NODAL: variants seen among roughly 807,000 people sequenced by gnomAD.
NODAL encodes nodal homolog.
Under a neutral mutation model 34.0 loss-of-function variants are expected in NODAL, and 12 were observed. The ratio of observed to expected loss-of-function variants is 0.35; its 90% CI spans 0.23 to 0.57. The LOEUF (loss-of-function observed/expected upper bound fraction) is 0.57. Ranked by LOEUF, NODAL falls within the 20% of genes least tolerant of loss-of-function variation. NODAL has a pLI of 0.83. For missense variants in NODAL, 390 were observed against 444.2 expected (o/e 0.88, Z 1.10); for synonymous variants, 162 against 186.4 (o/e 0.87, Z 1.07).
intron 1 of NODAL, among the ~76,000 whole-genome samples, chr10:70,446,941 C>G (rs1219460967): frequency 6.6e-6 from 1 of 152,142 alleles, no homozygotes; most frequent in Non-Finnish European, 1.5e-5. Flanking sequence ...ATTCTTTCCT[C>G]CTGCTGTTTC....
chr10:70,440,501 C>T (rs1845413743), intron 1 of NODAL, among the ~76,000 whole-genome samples: 1 of 152,174 alleles, frequency 6.6e-6, no homozygotes, highest in African/African-American at 2.4e-5. Context: ...CAGGTCGGAT[C>T]AGATTAGCGT....
chr10:70,447,716 C>T (rs1186025488), intron 1 of NODAL, among the ~76,000 whole-genome samples: 3 of 148,982 alleles, frequency 2.0e-5, no homozygotes, highest in South Asian at 4.3e-4. Context: ...AATAAAGCAT[C>T]GTAGAGCAGT....
intron 1 of NODAL, among the ~76,000 whole-genome samples, chr10:70,440,916 G>C (rs879628789): frequency 6.6e-6 from 1 of 152,056 alleles, no homozygotes; most frequent in East Asian, 1.9e-4. Context: ...GTCACACCCC[G>C]GGACCCATTC....
rs2132215395 is a variant in NODAL at position 70,435,766 on chromosome 10, G to T, written c.411C>A (p.Phe137Leu). The change falls in exon 2 of 3, where the codon TTC (phenylalanine) becomes TTA (leucine). Residue 137 changes from phenylalanine (F) to leucine (L), a missense_variant. Coordinates refer to ENST00000287139, the MANE Select transcript of NODAL (RefSeq NM_018055.5). ...SCLERFQMDL[F>L]TVTLSQVTFS... ...AGGTGACCTGGGACAAAGTGACAGT[G>T]AATAGGTCCATCTGAAACCGCTCTA... 1 of 1,614,152 alleles carries T rather than the reference G, an allele frequency of 6.2e-7. No homozygotes were observed. The highest frequency in any genetic ancestry group is 2.2e-5 in the East Asian group (1 of 44,880).
chr10:70,433,676 A>G (rs1845302044), intron 2 of NODAL, among the ~76,000 whole-genome samples: 1 of 152,192 alleles, frequency 6.6e-6, no homozygotes, highest in Non-Finnish European at 1.5e-5. Context: ...CAGCCTCCCA[A>G]AATGCTGGAA....
At chr10:70,443,203 T>C (rs75193346), upstream of NODAL, among the ~76,000 whole-genome samples, 1,544 of 152,310 alleles carry the variant, frequency 0.01, 23 homozygotes, top group African/African-American at 0.035. Context: ...TCCAAGCCTT[T>C]GTCCTCTGTC....
upstream of NODAL, among the ~76,000 whole-genome samples, chr10:70,445,479 C>T (rs1032915852): frequency 2.0e-5 from 3 of 152,044 alleles, no homozygotes; most frequent in Non-Finnish European, 4.4e-5. Context: ...AGGATGGTCT[C>T]GATCTCCTGA....
At chr10:70,441,402 C>G (rs1052238207) in intron 1 of NODAL, 73 bp downstream of exon 1, 1 of 1,503,898 alleles carries the variant, frequency 6.6e-7, no homozygotes, top group Non-Finnish European at 8.9e-7. Context: ...CAGCACTTCC[C>G]GAGTCCGCTG....
upstream of NODAL, among the ~76,000 whole-genome samples, chr10:70,444,728 T>A (rs7068442): frequency 0.89 from 134,852 of 152,280 alleles, 60,064 homozygotes; most frequent in Middle Eastern, 0.95. Flanking sequence ...TCTGCAAAAC[T>A]TGTCTAGAGA....
upstream of NODAL, chr10:70,441,775 T>TG (rs955080169): frequency 2.5e-6 from 3 of 1,199,242 alleles, no homozygotes; most frequent in Admixed American, 2.0e-5. Flanking sequence ...TAAGATCATA[T>TG]AACCCCCCTC....
At chr10:70,436,150 A>G in intron 1 of NODAL, 167 bp from the exon 2 acceptor site, 1 of 676,716 alleles carries the variant, frequency 1.5e-6, no homozygotes, top group Non-Finnish European at 2.7e-6. Flanking sequence ...AGTCCCTTTT[A>G]GAGATGAGGA....
At chr10:70,441,734 G>GC (rs1845434892), upstream of NODAL, 2 of 1,483,796 alleles carry the variant, frequency 1.3e-6, no homozygotes, top group East Asian at 4.9e-5. Flanking sequence ...CAGCCGCCCC[G>GC]CCCCCACCTT....
chr10:70,435,301 G>C lies in NODAL; in HGVS notation c.876C>G (p.Asn292Lys), dbSNP rs944753811. ...NPVGEEFHPTNHAYIQSLLKR... is the reference protein window; with the variant it reads ...NPVGEEFHPTKHAYIQSLLKR... ...GGCATCCCACCTGGATGTATGCATG[G>C]TTGGTCGGATGAAACTCCTCCCCAA... The change falls in exon 2 of 3, where the codon AAC becomes AAG. Residue 292 changes from asparagine (N) to lysine (K), a missense_variant. By Grantham distance (94) the Asn-to-Lys change is moderately conservative. Transcript: ENST00000287139. The C allele has an allele frequency of 5.6e-6, 9 of 1,611,290 alleles. No individual in the cohort carries two copies. Among genetic ancestry groups the C allele is most frequent in the Non-Finnish European group, 6.8e-6 (8 of 1,178,684 alleles).
chr10:70,442,792 A>G (rs1845447094), upstream of NODAL, among the ~76,000 whole-genome samples: 1 of 152,168 alleles, frequency 6.6e-6, no homozygotes, highest in African/African-American at 2.4e-5. Flanking sequence ...CAAAAGAACC[A>G]TAGGCTGCTG....
Position 70,433,779 on chromosome 10 carries a change from ATAGT to A in NODAL, c.892-695_892-692del, listed in dbSNP as rs1172020436. ...TTTAGTTCTAGAAATATGAAGCAGA[ATAGT>A]TAGTCATGTGGAAATTCTTATGGGA... On this transcript the variant is annotated intron_variant, in intron 2 of 2. Transcript: ENST00000287139. Among the ~76,000 whole-genome samples, 6 of 152,342 alleles carry A rather than the reference ATAGT, an allele frequency of 3.9e-5. No homozygotes were observed. In the East Asian group the frequency reaches 9.6e-4, roughly 24 times the overall value.
rs575222192 is a variant in NODAL at position 70,441,649 on chromosome 10, G to T, written c.19C>A (p.Pro7Thr). The T allele has an allele frequency of 1.9e-6, 3 of 1,550,116 alleles. No individual in the cohort carries two copies. Among genetic ancestry groups the T allele is most frequent in the African/African-American group, 2.7e-5 (2 of 73,238 alleles). ...GCCCACCAGGCGTGCAGAAGGAAGG[G>T]CAGGCAGTGGGCGTGCATGGTGGGC... is the stretch of plus-strand genomic sequence containing the variant. MHAHCL[P>T]FLLHAWWALL... is the part of the protein sequence containing the mutation. Residue 7 changes from proline (P) to threonine (T), a missense_variant, in exon 1 of 3, where the codon CCC (proline) becomes ACC (threonine). Physicochemically the swap from Pro to Thr is conservative, Grantham distance 38. Coordinates refer to ENST00000287139, the MANE Select transcript of NODAL (RefSeq NM_018055.5).
intron 1 of NODAL, among the ~76,000 whole-genome samples, chr10:70,439,112 C>G (rs1845393619): frequency 6.6e-6 from 1 of 152,162 alleles, no homozygotes; most frequent in South Asian, 2.1e-4. Flanking sequence ...TCAAGTGATT[C>G]TCCTGCCTCA....
chr10:70,436,197 G>A (rs1845351544), intron 1 of NODAL: 9 of 594,422 alleles, frequency 1.5e-5, no homozygotes, highest in Non-Finnish European at 2.1e-5. Flanking sequence ...ATCTGACCAA[G>A]GTGTCATTCT....
chr10:70,443,029 A>G (rs1260959143), upstream of NODAL, among the ~76,000 whole-genome samples: 1 of 152,096 alleles, frequency 6.6e-6, no homozygotes, highest in African/African-American at 2.4e-5. Flanking sequence ...AAAGGTTGCA[A>G]TAAGCCAAGA....
Sources: gnomAD v4.1 joint callset for allele counts (sites outside exome capture counted in the v4.1 genomes callset) on GRCh38, gnomAD v4.1.1 for gene constraint, MANE v1.5 for transcripts, NCBI Gene and HGNC (gene_info 2026-07-23, HGNC 2026-07-21) for gene names.